Variants in HHAT observed in about 807,000 individuals in gnomAD.
HHAT encodes the protein protein-cysteine N-palmitoyltransferase HHAT.
In HHAT, 47 loss-of-function variants were observed where a neutral mutation model predicts 70.8. That is an observed-to-expected ratio of 0.66 (90% CI 0.53 to 0.85). The LOEUF is 0.85. Among genes scored for constraint, HHAT ranks in the 40% least tolerant of loss-of-function variants. The pLI, the probability that HHAT is intolerant of heterozygous loss-of-function variation, is 0.00. For synonymous variants in HHAT, 228 were observed against 247.6 expected, an observed-to-expected ratio of 0.92 and a Z score of 0.74; for missense variants, 609 against 604.8, an observed-to-expected ratio of 1.01 and a Z score of -0.07.
chr1:210,629,688 C>T (rs12410510), intron 11 of HHAT, among the ~76,000 whole-genome samples: 29,749 of 152,100 alleles, frequency 0.2, 3,210 homozygotes, highest in Admixed American at 0.26. Context: ...TTTACAGAGA[C>T]GGGTTTCTTT....
intron 8 of HHAT, among the ~76,000 whole-genome samples, chr1:210,493,990 A>C (rs2148520682): frequency 6.6e-6 from 1 of 152,352 alleles, no homozygotes; most frequent in East Asian, 1.9e-4. Flanking sequence ...TGAACACAAG[A>C]CATGCTCAAT....
At chr1:210,366,838 G>A (rs187322859) in intron 3 of HHAT, among the ~76,000 whole-genome samples, 6 of 152,128 alleles carry the variant, frequency 3.9e-5, no homozygotes, top group African/African-American at 7.2e-5. Flanking sequence ...TTCCCTGTCC[G>A]GCCCTTACTC....
At chr1:210,574,690 A>G (rs563721211) in intron 9 of HHAT, among the ~76,000 whole-genome samples, 167 of 152,342 alleles carry the variant, frequency 1.1e-3, no homozygotes, top group Non-Finnish European at 2.2e-3. Flanking sequence ...GCCATGGGCC[A>G]TGGGCCCTGC....
At chr1:210,576,394 C>A (rs944024098) in intron 9 of HHAT, among the ~76,000 whole-genome samples, 1 of 151,714 alleles carries the variant, frequency 6.6e-6, no homozygotes, top group African/African-American at 2.4e-5. Flanking sequence ...ATAAGCATAT[C>A]CATTACCTCC....
At chr1:210,568,715 G>C (rs1655375210) in intron 9 of HHAT, among the ~76,000 whole-genome samples, 2 of 152,146 alleles carry the variant, frequency 1.3e-5, no homozygotes, top group Admixed American at 6.5e-5. Context: ...AAGTTACAAA[G>C]TCATTTACTC....
rs756748705 is a variant in HHAT at position 210,418,360 on chromosome 1, C to A, written c.856+35C>A. ...GGAATCACCAACAGTGGGATGAGCC[C>A]CAATAGTCCAACAGTTAGCATCAGA... On this transcript the variant is annotated intron_variant, in intron 7 of 11. Transcript: ENST00000261458. 7.1e-6 allele frequency: 11 copies of A among 1,541,268 alleles called. No individual in the cohort carries two copies. In the Admixed American group the frequency reaches 1.5e-4, roughly 21 times the overall value.
At chr1:210,593,517 C>G (rs1362403680) in intron 10 of HHAT, among the ~76,000 whole-genome samples, 1 of 152,040 alleles carries the variant, frequency 6.6e-6, no homozygotes, top group Non-Finnish European at 1.5e-5. Flanking sequence ...TGCTTTTATT[C>G]CATTGTTCAG....
intron 8 of HHAT, among the ~76,000 whole-genome samples, chr1:210,470,878 A>G (rs528795347): frequency 6.6e-6 from 1 of 152,308 alleles, no homozygotes; most frequent in South Asian, 2.1e-4. Context: ...TCTCTGTAAG[A>G]TGGAGATACT....
chr1:210,561,927 A>G (rs565121607), intron 9 of HHAT, among the ~76,000 whole-genome samples: 9 of 152,296 alleles, frequency 5.9e-5, no homozygotes, highest in Admixed American at 2.6e-4. Flanking sequence ...AGTGCCTGAC[A>G]CCTGATAGTC....
intron 6 of HHAT, among the ~76,000 whole-genome samples, chr1:210,406,139 C>T (rs2092320229): frequency 6.6e-6 from 1 of 152,156 alleles, no homozygotes. Flanking sequence ...GTGGGTTCCT[C>T]TCTTTTACAA....
intron 10 of HHAT, among the ~76,000 whole-genome samples, chr1:210,620,692 T>C (rs1249637270): frequency 1.3e-5 from 2 of 152,186 alleles, no homozygotes; most frequent in Admixed American, 1.3e-4. Context: ...GGCATCTTGA[T>C]TTCTCCTTTA....
At chr1:210,375,608 G>A (rs2090127288) in intron 3 of HHAT, among the ~76,000 whole-genome samples, 1 of 151,610 alleles carries the variant, frequency 6.6e-6, no homozygotes, top group Non-Finnish European at 1.5e-5. Context: ...ATTTGATTGG[G>A]GTTTATTCAG....
intron 9 of HHAT, among the ~76,000 whole-genome samples, chr1:210,524,714 T>C (rs1457167623): frequency 1.3e-5 from 2 of 152,106 alleles, no homozygotes; most frequent in Admixed American, 6.6e-5. Flanking sequence ...TCTAGAGAAA[T>C]TGGGATTTTT....
At chr1:210,611,936 A>G (rs1165105588) in intron 10 of HHAT, among the ~76,000 whole-genome samples, 3 of 152,158 alleles carry the variant, frequency 2.0e-5, no homozygotes, top group Non-Finnish European at 2.9e-5. Context: ...TTTTACATCA[A>G]TGTTCATCAA....
chr1:210,623,473 C>T, intron 10 of HHAT, 53 bp from the exon 11 acceptor site: 1 of 1,605,930 alleles, frequency 6.2e-7, no homozygotes, highest in Middle Eastern at 2.0e-4. Context: ...GGTATCTTAG[C>T]CCCATTTTTT....
intron 9 of HHAT, among the ~76,000 whole-genome samples, chr1:210,549,128 A>AAAACTTTATCATC (rs1428404015): frequency 2.3e-5 from 3 of 132,390 alleles, no homozygotes; most frequent in South Asian, 2.6e-4. Flanking sequence ...TTGGGATAAT[A>AAAACTTTATCATC]ACGGCATTTA....
intron 11 of HHAT, among the ~76,000 whole-genome samples, chr1:210,648,171 T>C (rs1483599267): frequency 2.7e-5 from 4 of 150,744 alleles, no homozygotes; most frequent in African/African-American, 9.7e-5. Context: ...TTTAAGCTGG[T>C]TTGGAATGGC....
At chr1:210,364,021 G>A (rs1245921476) in intron 3 of HHAT, among the ~76,000 whole-genome samples, 1 of 152,154 alleles carries the variant, frequency 6.6e-6, no homozygotes, top group Non-Finnish European at 1.5e-5. Flanking sequence ...TGATTTGCTA[G>A]GGTAGCCTGT....
At chr1:210,351,208 G>C (rs2086987579) in intron 2 of HHAT, among the ~76,000 whole-genome samples, 1 of 152,104 alleles carries the variant, frequency 6.6e-6, no homozygotes, top group African/African-American at 2.4e-5. Context: ...GAGCTGAGAT[G>C]GTCTAGCTCA....
Sources: allele counts gnomAD v4.1 joint callset (sites outside exome capture counted in the v4.1 genomes callset), GRCh38; gene constraint gnomAD v4.1.1; transcripts MANE v1.5; gene names NCBI Gene and HGNC (gene_info 2026-07-23, HGNC 2026-07-21).